The following CENPL variants were observed in gnomAD, a reference collection of about 807,000 sequenced individuals.
The protein encoded by CENPL is interphase centromere complex protein 33.
A neutral mutation model predicts 35.2 loss-of-function variants in CENPL; 20 were observed. The ratio of observed to expected loss-of-function variants is 0.57; its 90% CI spans 0.40 to 0.83. The LOEUF is 0.83. Among genes scored for constraint, CENPL ranks in the 40% least tolerant of loss-of-function variants. CENPL has a pLI of 0.00. For missense variants in CENPL, 363 were observed against 395.8 expected, an observed-to-expected ratio of 0.92 and a Z score of 0.70; for synonymous variants, 140 against 140.6, an observed-to-expected ratio of 1.00 and a Z score of 0.03.
intron 2 of CENPL, among the ~76,000 whole-genome samples, chr1:173,816,433 A>G (rs967853114): frequency 7.9e-5 from 12 of 152,348 alleles, no homozygotes; most frequent in African/African-American, 2.4e-4. Flanking sequence ...GCTTTAAACT[A>G]TACTACAAGG....
chr1:173,817,748 A>C (rs1021236069), intron 2 of CENPL, among the ~76,000 whole-genome samples: 2 of 152,226 alleles, frequency 1.3e-5, no homozygotes, highest in Non-Finnish European at 2.9e-5. Context: ...AAGACTTGGA[A>C]CCAACCCAAA....
intron 2 of CENPL, among the ~76,000 whole-genome samples, chr1:173,813,691 G>A (rs1651065102): frequency 6.6e-6 from 1 of 152,102 alleles, no homozygotes; most frequent in Non-Finnish European, 1.5e-5. Context: ...AACATGGAAA[G>A]GAACAATCAG....
chr1:173,801,177 C>G (rs1571955571), intron 5 of CENPL, among the ~76,000 whole-genome samples: 2 of 152,058 alleles, frequency 1.3e-5, no homozygotes, highest in South Asian at 4.1e-4. Flanking sequence ...GTCATTTAAA[C>G]CTATCTTGGC....
chr1:173,805,869 C>T (rs1390810832), intron 4 of CENPL, among the ~76,000 whole-genome samples: 4 of 152,178 alleles, frequency 2.6e-5, no homozygotes, highest in East Asian at 1.9e-4. Flanking sequence ...GACAGTATAC[C>T]ACTATCTTGT....
intron 2 of CENPL, among the ~76,000 whole-genome samples, chr1:173,811,517 A>G (rs1650824297): frequency 6.6e-6 from 1 of 152,234 alleles, no homozygotes; most frequent in Admixed American, 6.5e-5. Context: ...AAAACAGTAT[A>G]TGTTCAAAAC....
chr1:173,802,722 C>A (rs1291906985), intron 5 of CENPL, among the ~76,000 whole-genome samples: 2 of 152,090 alleles, frequency 1.3e-5, no homozygotes, highest in African/African-American at 4.8e-5. Context: ...AAAGTTACTA[C>A]AAAATAATAA....
chr1:173,805,950 T>C (rs1375294985), intron 4 of CENPL, among the ~76,000 whole-genome samples: 3 of 152,188 alleles, frequency 2.0e-5, no homozygotes, highest in Non-Finnish European at 4.4e-5. Context: ...CCATGACCTA[T>C]ATCAGGGGTC....
rs562127978 is a variant in CENPL at position 173,808,470 on chromosome 1, A to G, written c.169-952T>C. Reference sequence around the variant, plus strand: ...GAAACCATGCCCAATTCAATAGATTAAATAAAAAGATACTTGGGGGCTGGT... The same window carrying G: ...GAAACCATGCCCAATTCAATAGATTGAATAAAAAGATACTTGGGGGCTGGT... On this transcript the variant is annotated intron_variant, in intron 3 of 5. Coordinates refer to ENST00000682279, the MANE Select transcript of CENPL (RefSeq NM_001387287.1). The G allele has an allele frequency of 3.3e-5, 5 of 152,214 alleles. No homozygotes were observed. The South Asian group carries it at 8.3e-4, about 25-fold the overall frequency. 9.4% of individuals were successfully genotyped at this position (152,214 alleles called of 1,614,324 possible).
At chr1:173,808,371 C>G (rs1167653371) in intron 3 of CENPL, 1 of 151,926 alleles carries the variant, frequency 6.6e-6, no homozygotes, top group Non-Finnish European at 1.5e-5. Context: ...GATCACGCCA[C>G]TGCACTCCAG....
At chr1:173,814,871 CT>C (rs966905297) in intron 2 of CENPL, among the ~76,000 whole-genome samples, 5 of 152,180 alleles carry the variant, frequency 3.3e-5, no homozygotes, top group African/African-American at 9.6e-5. Context: ...CAAAAAAACT[CT>C]TCAAAAAAAT....
chr1:173,805,095 C>A (rs780293899), intron 4 of CENPL, among the ~76,000 whole-genome samples: 9 of 152,214 alleles, frequency 5.9e-5, no homozygotes, highest in Non-Finnish European at 1.0e-4. Flanking sequence ...GAGGTCATTT[C>A]TAATCCTCAC....
chr1:173,804,798 T>G (rs1284244953), intron 4 of CENPL, among the ~76,000 whole-genome samples: 1 of 152,216 alleles, frequency 6.6e-6, no homozygotes, highest in African/African-American at 2.4e-5. Flanking sequence ...AACTAAATTT[T>G]AAGTTACATG....
In CENPL at chr1:173,821,829, G is replaced by C. The variant is rs1258248622; in HGVS notation, c.-8+2097C>G. On this transcript the variant is annotated intron_variant, in intron 2 of 5. Transcript: ENST00000682279. ...CTTTTTTTTTTTTTTTTTTTTTTTT[G>C]AGACAGGGTCTCACTCTGTTGTCCA... The C allele has an allele frequency of 1.4e-4, 4 of 27,822 alleles. No homozygotes were observed. In the Admixed American group the frequency reaches 1.5e-3, roughly 10 times the overall value. 1.7% of individuals were successfully genotyped at this position (27,822 alleles called of 1,614,324 possible).
At chr1:173,819,882 T>C (rs1292324007) in intron 2 of CENPL, among the ~76,000 whole-genome samples, 3 of 150,566 alleles carry the variant, frequency 2.0e-5, no homozygotes, top group East Asian at 3.9e-4. Flanking sequence ...TTTTTTTTTG[T>C]ATTTTTAGTA....
At position 173,802,835 on chromosome 1, in the gene CENPL, A is replaced by G. The variant is rs1649873751; in HGVS notation, c.963+128T>C. 4 of 658,490 alleles carry G rather than the reference A, an allele frequency of 6.1e-6. No individual in the cohort carries two copies. The East Asian group carries it at 8.3e-5, about 14-fold the overall frequency. The allele number at this position is 658,490 out of a possible 1,614,324, so 40.8% of individuals were successfully genotyped here. A position where few individuals can be genotyped will look rare whatever the true frequency, so the allele number is the denominator to read the frequency against. ...ACTGCAATAAACCATAAACCATAAAATAAAAGCTCTCTATTGTCTTGAATA... is the reference window on the plus strand; with the variant it reads ...ACTGCAATAAACCATAAACCATAAAGTAAAAGCTCTCTATTGTCTTGAATA... On this transcript the variant is annotated intron_variant, in intron 5 of 5. Transcript: ENST00000682279.
chr1:173,813,819 C>A lies in CENPL; in HGVS notation c.-7-2513G>T, dbSNP rs1442629941. ...CATAATGTCAGGATCAGAGTCACAC[C>A]TAACAATATTAACCTTAAATGTAAA... On this transcript the variant is annotated intron_variant, in intron 2 of 5. Transcript: ENST00000682279. 3.3e-5 allele frequency among the ~76,000 whole-genome samples: 5 copies of A among 151,990 alleles called. No homozygotes were observed. In the East Asian group the frequency reaches 7.7e-4, roughly 23 times the overall value.
Position 173,807,481 on chromosome 1 carries a change from T to G in CENPL, c.206A>C (p.His69Pro). ...VDPQKVAFLL[H>P]KQWTLYSLTP... is the part of the protein sequence containing the mutation. ...TAAACTATATAAAGTCCACTGTTTA[T>G]GCAGAAGGAATGCAACCTTTTGAGG... The change falls in exon 4 of 6, where the codon CAT becomes CCT. Residue 69 changes from histidine to proline, a missense_variant. Physicochemically the swap from His to Pro is moderately conservative, Grantham distance 77. Transcript: ENST00000682279. The G allele has an allele frequency of 6.4e-7, 1 of 1,552,728 alleles. No individual in the cohort carries two copies. The highest frequency in any genetic ancestry group is 8.7e-7 in the Non-Finnish European group (1 of 1,145,152).
intron 2 of CENPL, among the ~76,000 whole-genome samples, chr1:173,812,084 T>A (rs563708404): frequency 6.6e-6 from 1 of 152,356 alleles, no homozygotes; most frequent in Non-Finnish European, 1.5e-5. Context: ...AGCCTGAGAT[T>A]GACCTGCGAG....
chr1:173,811,715 GA>G lies in CENPL; in HGVS notation c.-7-410del, dbSNP rs1205882535. 1.2e-4 allele frequency among the ~76,000 whole-genome samples: 19 copies of G among 152,314 alleles called. No individual in the cohort carries two copies. The East Asian group carries it at 3.3e-3, about 26-fold the overall frequency. On this transcript the variant is annotated intron_variant, in intron 2 of 5. Coordinates refer to ENST00000682279, the MANE Select transcript of CENPL (RefSeq NM_001387287.1). ...ATCCAGTTCCAAGATGGCTGAATAG[GA>G]ACAGCTCCGGTCTGCAGCTCCCAGC...
Sources: gnomAD v4.1 joint callset for allele counts (sites outside exome capture counted in the v4.1 genomes callset) on GRCh38, gnomAD v4.1.1 for gene constraint, MANE v1.5 for transcripts, NCBI Gene and HGNC (gene_info 2026-07-23, HGNC 2026-07-21) for gene names.